GLOD4: variants seen among roughly 807,000 people sequenced by gnomAD.
GLOD4 encodes the protein glyoxalase domain-containing protein 4.
In GLOD4, 44 loss-of-function variants were observed where a neutral mutation model predicts 39.1. That is an observed-to-expected ratio of 1.13 (90% CI 0.88 to 1.45). GLOD4 has a LOEUF of 1.45. Ranked by LOEUF, GLOD4 falls within the 40% of genes most tolerant of loss-of-function variation. The pLI, the probability that GLOD4 is intolerant of heterozygous loss-of-function variation, is 0.00. For missense variants in GLOD4, 405 were observed against 366.4 expected (o/e 1.11, Z -0.86); for synonymous variants, 145 against 135.0 (o/e 1.07, Z -0.52).
intron 8 of GLOD4, chr17:764,451 C>CTGTT (rs542771397): frequency 1.2e-4 from 19 of 152,344 alleles, no homozygotes; most frequent in African/African-American, 2.9e-4. Flanking sequence ...CTTTCGATGA[C>CTGTT]TGTTTGACAC....
intron 8 of GLOD4, among the ~76,000 whole-genome samples, chr17:761,404 G>A (rs577978044): frequency 6.6e-6 from 1 of 152,086 alleles, no homozygotes; most frequent in Admixed American, 6.5e-5. Flanking sequence ...TCAAAGATAT[G>A]CTTAAAAAAA....
At chr17:784,379 T>C (rs1910435776), upstream of GLOD4, among the ~76,000 whole-genome samples, 1 of 152,216 alleles carries the variant, frequency 6.6e-6, no homozygotes. Context: ...AGTAACCATA[T>C]TCTCACTAGC....
chr17:775,847 C>G lies in GLOD4; in HGVS notation c.334G>C (p.Glu112Gln). 1 of 1,613,728 alleles carries G rather than the reference C, an allele frequency of 6.2e-7. No individual in the cohort carries two copies. The highest frequency in any genetic ancestry group is 8.5e-7 in the Non-Finnish European group (1 of 1,179,592). ...KLEWPLTEVA[E>Q]GVFETEAPGG... ...GGGGCCTCGGTTTCAAAAACACCTT[C>G]TGCAACTTCCGTCAGTGGCCACTCC... The change falls in exon 4 of 9, where the codon GAA (glutamate) becomes CAA (glutamine). Residue 112 changes from glutamate to glutamine, a missense_variant. Physicochemically the swap from Glu to Gln is conservative, Grantham distance 29. Coordinates refer to ENST00000301329, the MANE Select transcript of GLOD4 (RefSeq NM_016080.4).
At chr17:767,928 A>T (rs1342928201) in intron 8 of GLOD4, among the ~76,000 whole-genome samples, 1 of 141,938 alleles carries the variant, frequency 7.0e-6, no homozygotes, top group East Asian at 2.2e-4. Flanking sequence ...TTTAGAAAAA[A>T]TCTGGAGAGG....
upstream of GLOD4, chr17:782,483 G>C: frequency 1.2e-6 from 2 of 1,613,748 alleles, no homozygotes; most frequent in South Asian, 1.1e-5. Context: ...CGCTGCGGCG[G>C]AGCCCAGTGA....
intron 6 of GLOD4, 26 bp from the exon 7 acceptor site, chr17:770,183 G>T: frequency 7.7e-7 from 1 of 1,298,638 alleles, no homozygotes; most frequent in Non-Finnish European, 1.1e-6. Flanking sequence ...GGCAACGTGA[G>T]CCAGGGGTCA....
At chr17:772,434 T>C (rs918577068) in intron 4 of GLOD4, among the ~76,000 whole-genome samples, 3 of 150,894 alleles carry the variant, frequency 2.0e-5, no homozygotes, top group Non-Finnish European at 3.0e-5. Context: ...ACACCAAAGA[T>C]AGAAAAACTA....
At chr17:782,763 T>A, upstream of GLOD4, 2 of 1,459,414 alleles carry the variant, frequency 1.4e-6, no homozygotes, top group Non-Finnish European at 1.8e-6. Context: ...CTTAACCTCC[T>A]TCCGATGGAG....
rs530308709 is a variant in GLOD4, at chr17:763,172, G to C, written c.832-2934C>G. Among the ~76,000 whole-genome samples, 76 of 138,060 alleles carry C rather than the reference G, an allele frequency of 5.5e-4. 1 individual carries two copies. The South Asian group carries it at 0.017, about 31-fold the overall frequency. The allele number at this position is 138,060 out of a possible 152,430, so 90.6% of individuals were successfully genotyped here. A position where few individuals can be genotyped will look rare whatever the true frequency, so the allele number is the denominator to read the frequency against. On this transcript the variant is annotated intron_variant, in intron 8 of 8. Transcript: ENST00000301329. ...CACTCCAGCCTGGGCGACAGAGCGA[G>C]ACTCCGTCTAAAAAAAAAAAAAAAA... is the stretch of plus-strand genomic sequence containing the variant.
intron 6 of GLOD4, 86 bp from the exon 7 acceptor site, chr17:770,243 C>A (rs753477278): frequency 1.3e-6 from 1 of 781,056 alleles, no homozygotes; most frequent in South Asian, 1.5e-5. Context: ...GTATCAGATA[C>A]CATAAAGAAC....
chr17:766,831 G>A (rs1479960470), intron 8 of GLOD4, among the ~76,000 whole-genome samples: 7 of 152,298 alleles, frequency 4.6e-5, no homozygotes, highest in South Asian at 4.1e-4. Context: ...CCTGGGAGGC[G>A]AAGGTTGCAG....
intron 4 of GLOD4, among the ~76,000 whole-genome samples, chr17:771,876 G>A (rs1907999061): frequency 6.6e-6 from 1 of 152,100 alleles, no homozygotes; most frequent in African/African-American, 2.4e-5. Context: ...AGCTGGGCGT[G>A]GTGGCGCACG....
Position 771,379 on chromosome 17 carries a change from A to C in GLOD4, c.489T>G (p.Ile163Met), listed in dbSNP as rs757179885. 1.9e-6 allele frequency: 3 copies of C among 1,601,006 alleles called. No individual in the cohort carries two copies. Among genetic ancestry groups the C allele is most frequent in the African/African-American group, 2.7e-5 (2 of 74,534 alleles). ...NYWCNLLGMK[I>M]YEKDEEKQRA... The stretch of plus-strand genomic sequence containing the variant: ...TTTGCTTTTCTTCATCTTTTTCATA[A>C]ATTTTCATTCCCAGTAGATTACACC... Residue 163 changes from isoleucine (I) to methionine (M), a missense_variant, in exon 5 of 9, where the codon ATT becomes ATG. Physicochemically the swap from Ile to Met is conservative, Grantham distance 10 (BLOSUM62 1). Transcript: ENST00000301329.
In GLOD4 at chr17:781,415, G is replaced by A. The variant is rs569856973; in HGVS notation, c.90+751C>T. Reference sequence around the variant, plus strand: ...GAGCTCTAATGGAGGATATATATCAGGGTCATTTGCACCTTTGTTGCCAAA... The same window carrying A: ...GAGCTCTAATGGAGGATATATATCAAGGTCATTTGCACCTTTGTTGCCAAA... On this transcript the variant is annotated intron_variant, in intron 1 of 8. Coordinates refer to ENST00000301329, the MANE Select transcript of GLOD4 (RefSeq NM_016080.4). Among the ~76,000 whole-genome samples the A allele has an allele frequency of 2.6e-3, 401 of 152,262 alleles. 1 individual carries two copies. Among genetic ancestry groups the A allele is most frequent in the African/African-American group, 9.1e-3 (379 of 41,556 alleles).
chr17:780,917 CT>C (rs897931602), intron 1 of GLOD4, among the ~76,000 whole-genome samples: 10,067 of 120,774 alleles, frequency 0.083, 262 homozygotes, highest in East Asian at 0.32. Flanking sequence ...GGTGTTGAAT[CT>C]TTTTTTTTTT....
upstream of GLOD4, chr17:782,933 C>T (rs1047074594): frequency 3.4e-6 from 4 of 1,194,004 alleles, no homozygotes; most frequent in African/African-American, 6.2e-5. Flanking sequence ...GGTGATCCGC[C>T]CGCCTCGGCC....
At chr17:783,648 A>G (rs1035801775), upstream of GLOD4, 1 of 202,702 alleles carries the variant, frequency 4.9e-6, no homozygotes, top group South Asian at 8.8e-5. Flanking sequence ...TACACAGTGT[A>G]TCTTAAGGTG....
upstream of GLOD4, chr17:783,147 G>A: frequency 4.3e-6 from 7 of 1,614,110 alleles, no homozygotes; most frequent in Non-Finnish European, 5.9e-6. Context: ...CCTGCTGGAA[G>A]GTCGCAGGCT....
intron 1 of GLOD4, among the ~76,000 whole-genome samples, chr17:781,538 T>C (rs989468669): frequency 2.6e-5 from 4 of 152,194 alleles, no homozygotes; most frequent in East Asian, 3.9e-4. Context: ...AACCGCGCTC[T>C]TGCACCTTTC....
Sources: allele counts gnomAD v4.1 joint callset (sites outside exome capture counted in the v4.1 genomes callset), GRCh38; gene constraint gnomAD v4.1.1; transcripts MANE v1.5; gene names NCBI Gene and HGNC (gene_info 2026-07-23, HGNC 2026-07-21).